The following TMTC2 variants were observed in gnomAD, a reference collection of about 807,000 sequenced individuals.
TMTC2 encodes transmembrane O-mannosyltransferase targeting cadherins 2.
Under a neutral mutation model 82.4 loss-of-function variants are expected in TMTC2, and 43 were observed. That is an observed-to-expected ratio of 0.52 (90% CI 0.41 to 0.67). TMTC2 has a LOEUF of 0.67. Among genes scored for constraint, TMTC2 ranks in the 30% least tolerant of loss-of-function variants. The pLI is 0.00. For synonymous variants in TMTC2, 408 were observed against 381.9 expected (o/e 1.07, Z -0.80); for missense variants, 919 against 1,012.4 (o/e 0.91, Z 1.25).
intron 4 of TMTC2, among the ~76,000 whole-genome samples, chr12:82,946,459 G>T (rs2137270998): frequency 6.6e-6 from 1 of 152,176 alleles, no homozygotes; most frequent in East Asian, 1.9e-4. Context: ...CAGAATTAAA[G>T]AATACCTAAG....
intron 11 of TMTC2, among the ~76,000 whole-genome samples, chr12:83,096,249 T>C (rs559669708): frequency 2.0e-5 from 3 of 152,354 alleles, no homozygotes; most frequent in African/African-American, 7.2e-5. Context: ...AAGCTACCAG[T>C]GAATGGCAGC....
chr12:82,876,497 C>A (rs547177627), intron 2 of TMTC2, among the ~76,000 whole-genome samples: 2 of 152,176 alleles, frequency 1.3e-5, no homozygotes, highest in South Asian at 4.1e-4. Context: ...TGGTTGAATA[C>A]CATTGGATTT....
At chr12:83,105,868 A>G (rs1381016245) in intron 11 of TMTC2, among the ~76,000 whole-genome samples, 4 of 152,242 alleles carry the variant, frequency 2.6e-5, no homozygotes, top group African/African-American at 4.8e-5. Flanking sequence ...CACGGACATC[A>G]CAAGACCCCA....
chr12:82,729,686 C>A (rs1286855578), intron 1 of TMTC2, among the ~76,000 whole-genome samples: 2 of 152,220 alleles, frequency 1.3e-5, no homozygotes, highest in African/African-American at 2.4e-5. Context: ...ATGGACCAAT[C>A]AGCAGGATGT....
At chr12:82,908,372 G>A (rs547744244) in intron 3 of TMTC2, among the ~76,000 whole-genome samples, 14 of 121,840 alleles carry the variant, frequency 1.1e-4, no homozygotes, top group Non-Finnish European at 2.6e-4. Flanking sequence ...AGTTTTTTCT[G>A]TAGGTAACTT....
At chr12:83,096,088 A>G (rs987220184) in intron 11 of TMTC2, among the ~76,000 whole-genome samples, 1 of 152,274 alleles carries the variant, frequency 6.6e-6, no homozygotes, top group African/African-American at 2.4e-5. Context: ...TTCACAGATT[A>G]TTCAAATATG....
chr12:82,815,480 T>G (rs973873676), intron 1 of TMTC2, among the ~76,000 whole-genome samples: 2 of 151,314 alleles, frequency 1.3e-5, no homozygotes, highest in African/African-American at 2.4e-5. Context: ...CCAGCTAATT[T>G]TTTTTGTATT....
Position 83,020,275 on chromosome 12 carries a change from G to A in TMTC2, c.2071-10523G>A, listed in dbSNP as rs551240347. Among the ~76,000 whole-genome samples the A allele has an allele frequency of 3.3e-5, 5 of 152,252 alleles. No homozygotes were observed. In the South Asian group the frequency reaches 8.3e-4, roughly 25 times the overall value. ...GGCTCAACACAGCACTGGGCACATGGTAGGTGCCCAACAAATATTCATCGG... is the reference window on the plus strand; with the variant it reads ...GGCTCAACACAGCACTGGGCACATGATAGGTGCCCAACAAATATTCATCGG... On this transcript the variant is annotated intron_variant, in intron 8 of 11. Transcript: ENST00000321196.
At chr12:82,712,170 G>A (rs1040529240) in intron 1 of TMTC2, among the ~76,000 whole-genome samples, 3 of 152,126 alleles carry the variant, frequency 2.0e-5, no homozygotes, top group Non-Finnish European at 2.9e-5. Context: ...AATGGCTTAC[G>A]CCTGTAATCC....
At position 82,753,656 on chromosome 12, in the gene TMTC2, A is replaced by G. The variant is rs533942613; in HGVS notation, c.83+65987A>G. Among the ~76,000 whole-genome samples, 9 of 152,352 alleles carry G rather than the reference A, an allele frequency of 5.9e-5. No individual in the cohort carries two copies. The East Asian group carries it at 1.7e-3, about 29-fold the overall frequency. The stretch of plus-strand genomic sequence containing the variant: ...TTTTCAAAGAAGATATGAGAAGTTT[A>G]GATATAACTTGTGAAATTTAGGTCT... On this transcript the variant is annotated intron_variant, in intron 1 of 11. Transcript: ENST00000321196.
intron 11 of TMTC2, among the ~76,000 whole-genome samples, chr12:83,117,491 G>C (rs552461230): frequency 6.6e-6 from 1 of 151,682 alleles, no homozygotes. Context: ...ACTTTATTGA[G>C]TTATTCTGTT....
chr12:83,005,009 G>A (rs1682589), intron 8 of TMTC2, among the ~76,000 whole-genome samples: 115,042 of 148,148 alleles, frequency 0.78, 45,590 homozygotes, highest in South Asian at 0.93. Context: ...AAAAACAGCC[G>A]AGTGGCCAAT....
intron 9 of TMTC2, among the ~76,000 whole-genome samples, chr12:83,048,105 G>C (rs1418330004): frequency 6.6e-6 from 1 of 152,122 alleles, no homozygotes; most frequent in African/African-American, 2.4e-5. Context: ...TAATGCGTTT[G>C]CTTAAATATT....
At chr12:82,738,091 G>C (rs1056956478) in intron 1 of TMTC2, among the ~76,000 whole-genome samples, 8 of 152,152 alleles carry the variant, frequency 5.3e-5, no homozygotes, top group African/African-American at 1.9e-4. Context: ...GAAATTTCCA[G>C]TTGTTCCAAG....
In TMTC2 at chr12:83,027,672, A is replaced by G. The variant is rs182466821; in HGVS notation, c.2071-3126A>G. On this transcript the variant is annotated intron_variant, in intron 8 of 11. Transcript: ENST00000321196. Reference sequence around the variant, plus strand: ...TGGCTAAATAAATAGTGGTCAAAGCAGAAAGATGAGTTTTTGTGTGATGGC... The same window carrying G: ...TGGCTAAATAAATAGTGGTCAAAGCGGAAAGATGAGTTTTTGTGTGATGGC... Among the ~76,000 whole-genome samples the G allele has an allele frequency of 3.5e-3, 533 of 152,330 alleles. 1 individual carries two copies. The highest frequency in any genetic ancestry group is 5.5e-3 in the Non-Finnish European group (373 of 68,036).
chr12:82,751,506 G>T (rs1876001662), intron 1 of TMTC2, among the ~76,000 whole-genome samples: 2 of 151,962 alleles, frequency 1.3e-5, no homozygotes. Context: ...CCTGCACATG[G>T]TGCACATGTA....
chr12:82,712,599 G>A (rs1254670414), intron 1 of TMTC2, among the ~76,000 whole-genome samples: 1 of 152,152 alleles, frequency 6.6e-6, no homozygotes, highest in African/African-American at 2.4e-5. Context: ...CTGTCTCAGG[G>A]ATGCTGTGAG....
chr12:82,841,609 T>G (rs1870339542), intron 1 of TMTC2, among the ~76,000 whole-genome samples: 4 of 152,232 alleles, frequency 2.6e-5, no homozygotes, highest in Admixed American at 1.3e-4. Context: ...CTGTGTACCC[T>G]GTCATCACTG....
At chr12:82,955,561 C>T (rs1050041487) in intron 4 of TMTC2, among the ~76,000 whole-genome samples, 7 of 152,142 alleles carry the variant, frequency 4.6e-5, no homozygotes, top group African/African-American at 1.7e-4. Context: ...TGCAGTATTA[C>T]TAGAACATGT....
Sources: gnomAD v4.1 joint callset for allele counts (sites outside exome capture counted in the v4.1 genomes callset) on GRCh38, gnomAD v4.1.1 for gene constraint, MANE v1.5 for transcripts, NCBI Gene and HGNC (gene_info 2026-07-23, HGNC 2026-07-21) for gene names.